VPS53: variants seen among roughly 807,000 people sequenced by gnomAD.
VPS53 encodes the protein vacuolar protein sorting-associated protein 53 homolog.
VPS53 carries 70 observed loss-of-function variants against 107.0 expected under a neutral mutation model. The ratio of observed to expected loss-of-function variants is 0.65; its 90% CI spans 0.54 to 0.80. VPS53 has a LOEUF of 0.80. VPS53 is among the 30% of genes least tolerant of loss of function. The pLI is 0.00. For missense variants in VPS53, 917 were observed against 1,049.4 expected, an observed-to-expected ratio of 0.87 and a Z score of 1.74; for synonymous variants, 409 against 393.3, an observed-to-expected ratio of 1.04 and a Z score of -0.47.
chr17:609,887 T>G (rs1182918684), intron 11 of VPS53, among the ~76,000 whole-genome samples: 4 of 151,980 alleles, frequency 2.6e-5, no homozygotes, highest in Admixed American at 2.0e-4. Flanking sequence ...CCCAGCACTT[T>G]GGGAGGCCGA....
intron 12 of VPS53, among the ~76,000 whole-genome samples, chr17:594,328 T>C (rs1488626263): frequency 6.6e-6 from 1 of 152,180 alleles, no homozygotes; most frequent in Non-Finnish European, 1.5e-5. Context: ...AATAAATAAA[T>C]AAATAAAGAA....
At chr17:584,842 C>T (rs1231296905) in intron 13 of VPS53, among the ~76,000 whole-genome samples, 2 of 152,146 alleles carry the variant, frequency 1.3e-5, no homozygotes, top group Non-Finnish European at 2.9e-5. Flanking sequence ...AAAGCATATA[C>T]TGTATTATAT....
rs150246585 is a variant in VPS53 at position 560,555 on chromosome 17, T to G, written c.1575A>C (p.Gly525=). 4 of 1,613,854 alleles carry G rather than the reference T, an allele frequency of 2.5e-6. No individual in the cohort carries two copies. Among genetic ancestry groups the G allele is most frequent in the African/African-American group, 1.3e-5 (1 of 74,908 alleles). Residue 525 remains glycine, a synonymous_variant, in exon 15 of 22, where the codon GGA becomes GGC. Transcript: ENST00000437048. Reference sequence around the variant, plus strand: ...TGAGGAGGCTGCTGATAGTCAGTCCTCCACTGCTGGTTGTGGTTCTGAAGA... The same window carrying G: ...TGAGGAGGCTGCTGATAGTCAGTCCGCCACTGCTGGTTGTGGTTCTGAAGA... ...GNLPKTTTSS[G]GLTISSLLKE... is the part of the protein sequence containing the mutation.
At chr17:642,522 T>C (rs1597423048) in intron 7 of VPS53, among the ~76,000 whole-genome samples, 3 of 150,672 alleles carry the variant, frequency 2.0e-5, no homozygotes, top group South Asian at 4.2e-4. Flanking sequence ...ACAACACTCA[T>C]ACTTGGAAAG....
In VPS53 at chr17:586,398, G is replaced by C. The variant is rs974049094; in HGVS notation, c.1219-34C>G. 3.8e-6 allele frequency: 6 copies of C among 1,589,690 alleles called. No individual in the cohort carries two copies. The East Asian group carries it at 1.1e-4, about 30-fold the overall frequency. On this transcript the variant is annotated intron_variant, in intron 12 of 21. Coordinates refer to ENST00000437048, the MANE Select transcript of VPS53 (RefSeq NM_001128159.3). The stretch of plus-strand genomic sequence containing the variant: ...ACAAAGAAAAATAAACCCCATACTT[G>C]AGTGATCTTTGCAAATGTTCAAGAA...
intron 19 of VPS53, chr17:531,970 GA>G (rs1384526235): frequency 1.7e-5 from 2 of 119,220 alleles, no homozygotes; most frequent in Non-Finnish European, 3.3e-5. Context: ...TTTTTTTTGA[GA>G]TGGAGTTTCG....
intron 12 of VPS53, among the ~76,000 whole-genome samples, chr17:597,196 G>C (rs1280874750): frequency 6.6e-6 from 1 of 152,198 alleles, no homozygotes; most frequent in African/African-American, 2.4e-5. Context: ...AGCAGGGTGT[G>C]ACCCTTACCT....
chr17:699,186 T>TA, intron 3 of VPS53, 145 bp downstream of exon 3: 3 of 490,222 alleles, frequency 6.1e-6, no homozygotes, highest in Non-Finnish European at 9.6e-6. Flanking sequence ...AAATAAATAA[T>TA]AAAAATTTTA....
intron 15 of VPS53, among the ~76,000 whole-genome samples, chr17:557,137 G>A (rs909668826): frequency 3.3e-5 from 5 of 152,190 alleles, no homozygotes; most frequent in African/African-American, 1.2e-4. Context: ...ATAGGCATGA[G>A]CCACCGCGCC....
chr17:710,551 G>A lies in VPS53; in HGVS notation c.150C>T (p.Thr50=), dbSNP rs749110675. ...TACTTACTTGCTCGGTTGGGAACAG[G>A]GTATTGATATACTCAACAGCATTGA... ...ADFNAVEYIN[T]LFPTEQSLAN... Residue 50 remains threonine (T), a synonymous_variant, in exon 2 of 22, where the codon ACC becomes ACT. Transcript: ENST00000437048. 1.7e-5 allele frequency: 28 copies of A among 1,613,654 alleles called. No individual in the cohort carries two copies. Among genetic ancestry groups the A allele is most frequent in the African/African-American group, 6.7e-5 (5 of 74,788 alleles).
chr17:601,872 A>C lies in VPS53; in HGVS notation c.1141T>G (p.Ser381Ala). 4 of 1,594,976 alleles carry C rather than the reference A, an allele frequency of 2.5e-6. No homozygotes were observed. The highest frequency in any genetic ancestry group is 3.4e-6 in the Non-Finnish European group (4 of 1,169,834). The part of the protein sequence containing the change: ...TLKKLESPPP[S>A]TNPFLEDEPT... ...TCATCTTCCAGGAAGGGATTGGTAG[A>C]TGGGGGTGGAGACTCAAGCTTTTTC... The change falls in exon 12 of 22, where the codon TCT becomes GCT. Residue 381 changes from serine (S) to alanine (A), a missense_variant. Physicochemically the swap from Ser to Ala is moderately conservative, Grantham distance 99. Transcript: ENST00000437048.
chr17:691,592 G>A (rs1972776304), intron 4 of VPS53, among the ~76,000 whole-genome samples: 1 of 152,162 alleles, frequency 6.6e-6, no homozygotes. Flanking sequence ...ATATTACATG[G>A]AAAATTCCAG....
intron 7 of VPS53, among the ~76,000 whole-genome samples, chr17:651,392 C>G (rs761455305): frequency 1.3e-5 from 2 of 152,200 alleles, no homozygotes; most frequent in Non-Finnish European, 2.9e-5. Context: ...AGCCCAAGAC[C>G]AGCCCTGGGC....
At chr17:655,165 C>T (rs138051685) in intron 6 of VPS53, among the ~76,000 whole-genome samples, 3 of 152,288 alleles carry the variant, frequency 2.0e-5, no homozygotes, top group East Asian at 3.9e-4. Flanking sequence ...CAGCCTGAGA[C>T]GGGCCACAGA....
intron 15 of VPS53, among the ~76,000 whole-genome samples, chr17:556,249 C>G (rs2151844009): frequency 6.6e-6 from 1 of 152,250 alleles, no homozygotes; most frequent in Middle Eastern, 3.4e-3. Flanking sequence ...CACCGCACTC[C>G]AGCCTGGGCA....
chr17:582,819 C>T (rs1486229839), intron 13 of VPS53, among the ~76,000 whole-genome samples: 2 of 151,712 alleles, frequency 1.3e-5, no homozygotes, highest in Non-Finnish European at 2.9e-5. Flanking sequence ...TCTCAGAGGA[C>T]TTCCCTCAGA....
At chr17:607,845 G>A (rs967960153) in intron 11 of VPS53, among the ~76,000 whole-genome samples, 8 of 152,030 alleles carry the variant, frequency 5.3e-5, no homozygotes, top group African/African-American at 1.9e-4. Context: ...CAGACCACAG[G>A]ACAGTCAGGC....
intron 15 of VPS53, among the ~76,000 whole-genome samples, chr17:555,189 G>C (rs761202416): frequency 2.0e-5 from 3 of 152,192 alleles, no homozygotes; most frequent in Non-Finnish European, 4.4e-5. Flanking sequence ...GCCCCGTCTT[G>C]CCACTTTCCA....
chr17:639,641 C>T (rs1461964459), intron 7 of VPS53, among the ~76,000 whole-genome samples: 3 of 152,184 alleles, frequency 2.0e-5, no homozygotes, highest in Non-Finnish European at 4.4e-5. Flanking sequence ...ACAGTCAGGA[C>T]CCTCAGCTGC....
Sources: allele counts gnomAD v4.1 joint callset (sites outside exome capture counted in the v4.1 genomes callset), GRCh38; gene constraint gnomAD v4.1.1; transcripts MANE v1.5; gene names NCBI Gene and HGNC (gene_info 2026-07-23, HGNC 2026-07-21).